BANF2: variants seen among roughly 807,000 people sequenced by gnomAD.
BANF2 encodes BANF family member 2.
Under a neutral mutation model 8.0 loss-of-function variants are expected in BANF2, and 4 were observed. The observed-to-expected ratio is 0.50, with a 90% confidence interval of 0.25 to 1.14. The LOEUF (loss-of-function observed/expected upper bound fraction) is 1.14. BANF2 is among the 50% of genes most tolerant of loss of function. The pLI is 0.16. For missense variants in BANF2, 96 were observed against 107.5 expected, an observed-to-expected ratio of 0.89 and a Z score of 0.47; for synonymous variants, 50 against 40.6, an observed-to-expected ratio of 1.23 and a Z score of -0.88.
intron 3 of BANF2, among the ~76,000 whole-genome samples, chr20:17,727,885 C>T (rs1274360964): frequency 5.3e-5 from 8 of 152,252 alleles, no homozygotes; most frequent in South Asian, 2.1e-4. Context: ...ACTAGAGGCA[C>T]GCACCACTAT....
chr20:17,734,150 G>A (rs1415984023), intron 3 of BANF2, among the ~76,000 whole-genome samples: 2 of 152,140 alleles, frequency 1.3e-5, no homozygotes, highest in African/African-American at 4.8e-5. Context: ...CTTGTGCCTT[G>A]TCAATAATGG....
At chr20:17,704,100 T>C (rs1347695021) in intron 1 of BANF2, among the ~76,000 whole-genome samples, 1 of 152,162 alleles carries the variant, frequency 6.6e-6, no homozygotes, top group Non-Finnish European at 1.5e-5. Flanking sequence ...ACCATTTTTA[T>C]CACCTTCTAC....
At chr20:17,728,107 C>T (rs1032528028) in intron 3 of BANF2, among the ~76,000 whole-genome samples, 4 of 152,204 alleles carry the variant, frequency 2.6e-5, no homozygotes, top group Admixed American at 1.3e-4. Flanking sequence ...ACGTGACCTC[C>T]TGTCTTTGCT....
Position 17,699,991 on chromosome 20 carries a change from G to A in BANF2, c.-231G>A, listed in dbSNP as rs770274444. 5 of 985,452 alleles carry A rather than the reference G, an allele frequency of 5.1e-6. No homozygotes were observed. Among genetic ancestry groups the A allele is most frequent in the Non-Finnish European group, 6.0e-6 (5 of 829,928 alleles). 61.0% of individuals were successfully genotyped at this position (985,452 alleles called of 1,614,324 possible). On this transcript the variant is annotated 5_prime_UTR_variant, in exon 1 of 4. Transcript: ENST00000246090. ...AAGACATAAGCTGAACCTCTGGCCTGCAGTTCCAGATCCAAGGTGACTGAG... is the reference window on the plus strand; with the variant it reads ...AAGACATAAGCTGAACCTCTGGCCTACAGTTCCAGATCCAAGGTGACTGAG...
chr20:17,726,956 T>C (rs1370586306), intron 3 of BANF2, among the ~76,000 whole-genome samples: 1 of 152,240 alleles, frequency 6.6e-6, no homozygotes, highest in African/African-American at 2.4e-5. Context: ...ACTCAAAATA[T>C]TCATTTCCTT....
chr20:17,728,735 T>C (rs1457835741), intron 3 of BANF2, among the ~76,000 whole-genome samples: 3 of 152,186 alleles, frequency 2.0e-5, no homozygotes, highest in Non-Finnish European at 4.4e-5. Flanking sequence ...AAAAGCCATA[T>C]GTGATAGCCT....
intron 3 of BANF2, among the ~76,000 whole-genome samples, chr20:17,734,705 A>G (rs1416631712): frequency 6.6e-6 from 1 of 152,182 alleles, no homozygotes; most frequent in Non-Finnish European, 1.5e-5. Context: ...CGTAGAGATC[A>G]GGGGTGCTGC....
At chr20:17,723,454 A>G (rs1029265786) in intron 2 of BANF2, among the ~76,000 whole-genome samples, 2 of 152,224 alleles carry the variant, frequency 1.3e-5, no homozygotes, top group African/African-American at 2.4e-5. Flanking sequence ...CTGCCGGGAA[A>G]TCAAGCTGAA....
intron 3 of BANF2, among the ~76,000 whole-genome samples, chr20:17,728,496 C>T (rs1042591536): frequency 3.3e-5 from 5 of 152,170 alleles, no homozygotes; most frequent in Admixed American, 2.0e-4. Flanking sequence ...AAACTCTTAC[C>T]AGCCCCTACA....
upstream of BANF2, among the ~76,000 whole-genome samples, chr20:17,695,279 C>A (rs890383696): frequency 6.6e-6 from 1 of 151,382 alleles, no homozygotes; most frequent in Non-Finnish European, 1.5e-5. Flanking sequence ...AAGACCCCAT[C>A]TCTACAAACA....
chr20:17,725,272 T>C lies in BANF2; in HGVS notation c.126+121T>C. 4.7e-6 allele frequency: 6 copies of C among 1,285,912 alleles called. No individual in the cohort carries two copies. In the Middle Eastern group the frequency reaches 1.2e-3, roughly 248 times the overall value. The allele number at this position is 1,285,912 out of a possible 1,614,324, so 79.7% of individuals were successfully genotyped here. On this transcript the variant is annotated intron_variant, in intron 3 of 3. Transcript: ENST00000246090. Reference sequence around the variant, plus strand: ...GGCCATCAGAGAGCAAAGCTGCCGCTTGGCGGGGTGCCACATGCTTTCGTG... The same window carrying C: ...GGCCATCAGAGAGCAAAGCTGCCGCCTGGCGGGGTGCCACATGCTTTCGTG...
At chr20:17,703,370 C>A (rs549289003) in intron 1 of BANF2, among the ~76,000 whole-genome samples, 6 of 152,342 alleles carry the variant, frequency 3.9e-5, no homozygotes, top group African/African-American at 1.4e-4. Context: ...GGAACAGCGC[C>A]TGAGAGGCAG....
intron 3 of BANF2, among the ~76,000 whole-genome samples, chr20:17,731,993 G>C (rs2122655050): frequency 1.3e-5 from 2 of 151,776 alleles, no homozygotes; most frequent in South Asian, 4.2e-4. Context: ...TTGAACCTGG[G>C]ATGCAGAGGT....
intron 1 of BANF2, among the ~76,000 whole-genome samples, chr20:17,704,010 TG>T (rs1165931180): frequency 6.6e-6 from 1 of 152,226 alleles, no homozygotes; most frequent in East Asian, 1.9e-4. Context: ...CACAAAGTGC[TG>T]GGATTACAGG....
chr20:17,712,599 C>T (rs1038386177), intron 1 of BANF2: 2 of 917,478 alleles, frequency 2.2e-6, no homozygotes, highest in South Asian at 5.0e-5. Context: ...CTTCCACCTT[C>T]CCTGGGAGGG....
At chr20:17,704,703 G>A (rs733627) in intron 1 of BANF2, among the ~76,000 whole-genome samples, 1 of 152,068 alleles carries the variant, frequency 6.6e-6, no homozygotes, top group East Asian at 1.9e-4. Context: ...GGTGGAATGG[G>A]TCTCTTTCAG....
At chr20:17,735,216 C>T (rs1250791034) in intron 3 of BANF2, among the ~76,000 whole-genome samples, 1 of 152,142 alleles carries the variant, frequency 6.6e-6, no homozygotes, top group Non-Finnish European at 1.5e-5. Flanking sequence ...TGTGTGTTTC[C>T]AAGAGAAATG....
chr20:17,713,705 C>T lies in BANF2; in HGVS notation c.-166-9011C>T, dbSNP rs763404282. Among the ~76,000 whole-genome samples the T allele has an allele frequency of 4.6e-5, 7 of 151,892 alleles. No homozygotes were observed. In the East Asian group the frequency reaches 7.8e-4, roughly 17 times the overall value. ...AAAAAATTACCCGGGTGTGGTGGCTCGTGCCTGTAGTCCCAGCTACTCACC... is the reference window on the plus strand; with the variant it reads ...AAAAAATTACCCGGGTGTGGTGGCTTGTGCCTGTAGTCCCAGCTACTCACC... On this transcript the variant is annotated intron_variant, in intron 1 of 3. Coordinates refer to ENST00000246090, the MANE Select transcript of BANF2 (RefSeq NM_178477.5).
chr20:17,706,843 G>T (rs1020629052), intron 1 of BANF2, among the ~76,000 whole-genome samples: 1 of 152,208 alleles, frequency 6.6e-6, no homozygotes, highest in Non-Finnish European at 1.5e-5. Context: ...TGGCATATGT[G>T]TATCTTTGGT....
Sources: gnomAD v4.1 joint callset for allele counts (sites outside exome capture counted in the v4.1 genomes callset) on GRCh38, gnomAD v4.1.1 for gene constraint, MANE v1.5 for transcripts, NCBI Gene and HGNC (gene_info 2026-07-23, HGNC 2026-07-21) for gene names.